MCF2L2: variants seen among roughly 807,000 people sequenced by gnomAD.
MCF2L2 encodes the protein probable guanine nucleotide exchange factor MCF2L2.
MCF2L2 carries 102 observed loss-of-function variants against 150.2 expected under a neutral mutation model. The ratio of observed to expected loss-of-function variants is 0.68; its 90% CI spans 0.58 to 0.80. The LOEUF is 0.80. Ranked by LOEUF, MCF2L2 falls within the 30% of genes least tolerant of loss-of-function variation. MCF2L2 has a pLI of 0.00. For missense variants in MCF2L2, 1,256 were observed against 1,372.8 expected, an observed-to-expected ratio of 0.91 and a Z score of 1.34; for synonymous variants, 465 against 491.3, an observed-to-expected ratio of 0.95 and a Z score of 0.71.
rs199935132 is a variant in MCF2L2 at position 183,206,914 on chromosome 3, AAAGGAAGGAAGGAAGGAAGGAAGGAAGG to A, written c.2712+666_2712+693del. Among the ~76,000 whole-genome samples, 444 of 123,424 alleles carry A rather than the reference AAAGGAAGGAAGGAAGGAAGGAAGGAAGG, an allele frequency of 3.6e-3. 7 individuals are homozygous for A. The highest frequency in any genetic ancestry group is 3.6e-3 in the Non-Finnish European group (210 of 57,662). 81.0% of individuals were successfully genotyped at this position (123,424 alleles called of 152,430 possible). A position where few individuals can be genotyped will look rare whatever the true frequency, so the allele number is the denominator to read the frequency against. On this transcript the variant is annotated intron_variant, in intron 23 of 29. Transcript: ENST00000328913. ...ACAAGAAAGAAAGACAGAAAGAAAG[AAAGGAAGGAAGGAAGGAAGGAAGGAAGG>A]AAGGAAGGAAGGAAGGAAGGAAGGA...
intron 9 of MCF2L2, chr3:183,310,696 GC>G (rs1411169866): frequency 1.1e-5 from 6 of 530,948 alleles, no homozygotes; most frequent in Non-Finnish European, 2.0e-5. Flanking sequence ...TCACTGAAAT[GC>G]CATGTACATC....
chr3:183,248,835 C>CA (rs370293681), intron 15 of MCF2L2, among the ~76,000 whole-genome samples: 7 of 151,492 alleles, frequency 4.6e-5, no homozygotes, highest in South Asian at 2.1e-4. Context: ...GACCCTGTCT[C>CA]AAAAAAAATG....
intron 2 of MCF2L2, 41 bp from the exon 3 acceptor site, chr3:183,379,452 G>A (rs777271800): frequency 2.9e-6 from 4 of 1,400,572 alleles, no homozygotes; most frequent in Non-Finnish European, 4.0e-6. Flanking sequence ...GCAAAATGTT[G>A]TCCTGTCACA....
In MCF2L2 at chr3:183,339,364, C is replaced by T. The variant is rs1229603106; in HGVS notation, c.367-445G>A. 4.6e-5 allele frequency among the ~76,000 whole-genome samples: 7 copies of T among 152,192 alleles called. No individual in the cohort carries two copies. The South Asian group carries it at 1.0e-3, about 23-fold the overall frequency. On this transcript the variant is annotated intron_variant, in intron 4 of 29. Transcript: ENST00000328913. Reference sequence around the variant, plus strand: ...CCGGCCTTCTCACTTAATGTTATACCATAGGCTTTTATTCCTGTTATTAAT... The same window carrying T: ...CCGGCCTTCTCACTTAATGTTATACTATAGGCTTTTATTCCTGTTATTAAT...
rs571529580 is a variant in MCF2L2, at chr3:183,309,266, G to T, written c.1113+450C>A. On this transcript the variant is annotated intron_variant, in intron 10 of 29. Coordinates refer to ENST00000328913, the MANE Select transcript of MCF2L2 (RefSeq NM_015078.4). ...TCTTGCTCCAGGTATAAAACTAGTT[G>T]TTTTTTTTTTTCTGGTTTCTCCTTT... Among the ~76,000 whole-genome samples, 125 of 149,456 alleles carry T rather than the reference G, an allele frequency of 8.4e-4. No individual in the cohort carries two copies. In the East Asian group the frequency reaches 0.023, roughly 28 times the overall value.
chr3:183,313,006 T>G (rs764498105), intron 7 of MCF2L2, among the ~76,000 whole-genome samples: 5 of 152,224 alleles, frequency 3.3e-5, no homozygotes, highest in Non-Finnish European at 7.3e-5. Flanking sequence ...TCCATTCTCA[T>G]GTGTCAGCCC....
In MCF2L2 at chr3:183,350,363, A is replaced by C. The variant is rs947255709; in HGVS notation, c.276-8733T>G. On this transcript the variant is annotated intron_variant, in intron 3 of 29. Transcript: ENST00000328913. ...AGGTATGAAAACGTCAACTAAACCA[A>C]ATGCACAGGAAATGGGGTTTCTGGC... Among the ~76,000 whole-genome samples the C allele has an allele frequency of 7.9e-5, 12 of 152,178 alleles. No homozygotes were observed. The South Asian group carries it at 8.3e-4, about 11-fold the overall frequency.
At chr3:183,180,047 A>G in intron 28 of MCF2L2, 24 bp downstream of exon 28, 1 of 1,581,742 alleles carries the variant, frequency 6.3e-7, no homozygotes, top group Non-Finnish European at 8.7e-7. Context: ...AAGAAGATGA[A>G]AGAAACAAAA....
intron 15 of MCF2L2, among the ~76,000 whole-genome samples, chr3:183,243,479 C>T (rs1175971007): frequency 1.3e-5 from 2 of 152,174 alleles, no homozygotes; most frequent in Non-Finnish European, 2.9e-5. Context: ...TCAGCTCTTT[C>T]TCTACAAGAG....
chr3:183,277,956 C>G (rs1727254789), intron 14 of MCF2L2, among the ~76,000 whole-genome samples: 1 of 149,358 alleles, frequency 6.7e-6, no homozygotes, highest in Non-Finnish European at 1.5e-5. Context: ...AGGCTGAGGT[C>G]AGTGGATCAT....
chr3:183,269,611 C>G (rs1331471925), intron 15 of MCF2L2: 1 of 559,554 alleles, frequency 1.8e-6, no homozygotes, highest in Non-Finnish European at 3.0e-6. Context: ...ACAGGGTGTT[C>G]CATTCTTCCG....
intron 4 of MCF2L2, among the ~76,000 whole-genome samples, chr3:183,340,193 A>T (rs1212908745): frequency 6.6e-6 from 1 of 152,200 alleles, no homozygotes; most frequent in Non-Finnish European, 1.5e-5. Flanking sequence ...GCCAAGACGG[A>T]AAGTATTAGC....
intron 5 of MCF2L2, among the ~76,000 whole-genome samples, chr3:183,324,371 A>C (rs1054914413): frequency 1.3e-5 from 2 of 152,006 alleles, no homozygotes; most frequent in African/African-American, 4.8e-5. Flanking sequence ...CACACCCTCT[A>C]CTCACTCCTG....
chr3:183,205,570 T>C (rs888324981), intron 25 of MCF2L2, among the ~76,000 whole-genome samples: 2 of 152,142 alleles, frequency 1.3e-5, no homozygotes, highest in Admixed American at 6.6e-5. Flanking sequence ...GCATTGGCCA[T>C]TTGAATCTCT....
At chr3:183,206,554 T>C (rs1355201064) in intron 23 of MCF2L2, among the ~76,000 whole-genome samples, 2 of 152,208 alleles carry the variant, frequency 1.3e-5, no homozygotes, top group African/African-American at 4.8e-5. Context: ...AATAAGGATC[T>C]ATTCAGAAAC....
chr3:183,371,951 G>A (rs528662094), intron 3 of MCF2L2: 8 of 151,816 alleles, frequency 5.3e-5, no homozygotes, highest in South Asian at 2.1e-4. Context: ...TTTTTTCCAC[G>A]AGGAATTCCT....
intron 9 of MCF2L2, 124 bp from the exon 10 acceptor site, chr3:183,309,959 T>G: frequency 8.7e-7 from 1 of 1,147,174 alleles, no homozygotes; most frequent in Non-Finnish European, 1.2e-6. Flanking sequence ...TATATCTATA[T>G]ATGTTAAAAA....
intron 15 of MCF2L2, among the ~76,000 whole-genome samples, chr3:183,239,133 T>G (rs977730199): frequency 9.2e-5 from 14 of 152,160 alleles, no homozygotes; most frequent in Non-Finnish European, 1.8e-4. Flanking sequence ...CAACAGCAAT[T>G]TCTGTCCTGA....
chr3:183,290,722 C>T (rs543098293), intron 13 of MCF2L2, among the ~76,000 whole-genome samples: 5 of 152,134 alleles, frequency 3.3e-5, no homozygotes, highest in South Asian at 2.1e-4. Context: ...TTAGTAGCGA[C>T]GGAGTTTTAC....
Sources: gnomAD v4.1 joint callset for allele counts (sites outside exome capture counted in the v4.1 genomes callset) on GRCh38, gnomAD v4.1.1 for gene constraint, MANE v1.5 for transcripts, NCBI Gene and HGNC (gene_info 2026-07-23, HGNC 2026-07-21) for gene names.